DOCK4: variants seen among roughly 807,000 people sequenced by gnomAD.
The protein encoded by DOCK4 is dedicator of cytokinesis 4, also known as dedicator of cytokinesis protein 4.
DOCK4 carries 97 observed loss-of-function variants against 268.1 expected under a neutral mutation model. That is an observed-to-expected ratio of 0.36 (90% CI 0.31 to 0.43). The LOEUF (loss-of-function observed/expected upper bound fraction) is 0.43, where lower values mean the gene tolerates loss of function less well. Among genes scored for constraint, DOCK4 ranks in the 20% least tolerant of loss-of-function variants. DOCK4 has a pLI of 1.00. For synonymous variants in DOCK4, 954 were observed against 887.2 expected, an observed-to-expected ratio of 1.08 and a Z score of -1.34; for missense variants, 2,145 against 2,455.7, an observed-to-expected ratio of 0.87 and a Z score of 2.67.
intron 13 of DOCK4, among the ~76,000 whole-genome samples, chr7:111,915,330 C>T (rs911592914): frequency 6.6e-6 from 1 of 152,182 alleles, no homozygotes; most frequent in Admixed American, 6.5e-5. Flanking sequence ...ATAATATTTG[C>T]ATATGGCTGC....
intron 25 of DOCK4, among the ~76,000 whole-genome samples, chr7:111,837,737 C>A (rs1278748314): frequency 6.6e-6 from 1 of 151,902 alleles, no homozygotes; most frequent in African/African-American, 2.4e-5. Context: ...GAGTTAAATA[C>A]TTAAAAAAAA....
intron 1 of DOCK4, among the ~76,000 whole-genome samples, chr7:112,198,358 C>A (rs568389128): frequency 6.6e-6 from 1 of 152,158 alleles, no homozygotes; most frequent in East Asian, 1.9e-4. Context: ...TCCTAGCCTG[C>A]GGAACTGTGA....
At chr7:112,111,264 C>T (rs1259081531) in intron 1 of DOCK4, among the ~76,000 whole-genome samples, 3 of 152,218 alleles carry the variant, frequency 2.0e-5, no homozygotes, top group East Asian at 3.9e-4. Flanking sequence ...GCAGGGAAGC[C>T]TTGAGGTCTG....
intron 1 of DOCK4, among the ~76,000 whole-genome samples, chr7:112,052,560 C>T (rs1297278878): frequency 6.6e-6 from 1 of 152,030 alleles, no homozygotes; most frequent in Non-Finnish European, 1.5e-5. Flanking sequence ...ATCCCCAGGC[C>T]CATGTTGGGT....
chr7:111,913,014 A>G (rs948246649), intron 13 of DOCK4, among the ~76,000 whole-genome samples: 9 of 149,024 alleles, frequency 6.0e-5, no homozygotes, highest in African/African-American at 2.2e-4. Flanking sequence ...CCCAGGCTGG[A>G]GTGTAGTGAC....
intron 1 of DOCK4, among the ~76,000 whole-genome samples, chr7:112,084,973 T>C (rs1329521172): frequency 6.6e-6 from 1 of 152,104 alleles, no homozygotes; most frequent in Non-Finnish European, 1.5e-5. Context: ...CCAAGTTGTA[T>C]GGCTTGGAAG....
At chr7:112,119,555 G>A (rs6974624) in intron 1 of DOCK4, among the ~76,000 whole-genome samples, 49,284 of 151,936 alleles carry the variant, frequency 0.32, 8,003 homozygotes, top group East Asian at 0.36. Flanking sequence ...CAACATGTGT[G>A]CCAAATCCAA....
intron 1 of DOCK4, among the ~76,000 whole-genome samples, chr7:112,042,958 G>A (rs542719605): frequency 2.0e-5 from 3 of 152,212 alleles, no homozygotes; most frequent in South Asian, 2.1e-4. Context: ...GCACCGCCCC[G>A]CCCGCAAGTT....
At chr7:111,984,209 GA>G in intron 7 of DOCK4, 96 bp downstream of exon 7, 1 of 1,101,678 alleles carries the variant, frequency 9.1e-7, no homozygotes, top group Non-Finnish European at 1.3e-6. Flanking sequence ...ATTAATCCTG[GA>G]ACATCCTGTT....
chr7:112,115,970 T>G (rs1408898154), intron 1 of DOCK4, among the ~76,000 whole-genome samples: 1 of 152,246 alleles, frequency 6.6e-6, no homozygotes, highest in African/African-American at 2.4e-5. Context: ...TGAGCCACCA[T>G]GCTCGGCCTA....
intron 39 of DOCK4, among the ~76,000 whole-genome samples, chr7:111,762,794 G>T: frequency 1.6e-5 from 1 of 60,938 alleles, no homozygotes. Context: ...TTTGGAGACA[G>T]GGTCTCACTG....
At chr7:111,867,894 T>G in intron 22 of DOCK4, 90 bp downstream of exon 22, 1 of 1,240,768 alleles carries the variant, frequency 8.1e-7, no homozygotes, top group East Asian at 2.9e-5. Context: ...TGACTTCTGA[T>G]GGAGAAAACA....
chr7:112,117,470 A>G (rs561524789), intron 1 of DOCK4, among the ~76,000 whole-genome samples: 1 of 152,238 alleles, frequency 6.6e-6, no homozygotes, highest in East Asian at 1.9e-4. Context: ...TCCAGGGTTC[A>G]AGCGATTCTC....
chr7:112,203,828 CACA>C (rs1406583310), intron 1 of DOCK4, among the ~76,000 whole-genome samples: 1 of 258 alleles, frequency 3.9e-3, no homozygotes, highest in Non-Finnish European at 0.01. Flanking sequence ...AATTTCACTA[CACA>C]CACACACACA....
intron 20 of DOCK4, among the ~76,000 whole-genome samples, chr7:111,870,407 G>A (rs1192532952): frequency 2.1e-5 from 3 of 144,716 alleles, no homozygotes; most frequent in Admixed American, 7.2e-5. Context: ...AACCTCTGCC[G>A]CCCTCCTGGG....
chr7:112,173,416 T>C (rs1164293616), intron 1 of DOCK4, among the ~76,000 whole-genome samples: 5 of 152,186 alleles, frequency 3.3e-5, no homozygotes, highest in African/African-American at 1.2e-4. Flanking sequence ...AAAGACTTAG[T>C]GGCGAGGCAG....
intron 8 of DOCK4, among the ~76,000 whole-genome samples, chr7:111,957,347 G>A (rs990707414): frequency 6.6e-6 from 1 of 152,132 alleles, no homozygotes; most frequent in Admixed American, 6.6e-5. Context: ...CATACAAAAG[G>A]ATGATAAAGA....
chr7:111,956,298 T>C (rs992566349), intron 8 of DOCK4, among the ~76,000 whole-genome samples: 1 of 152,164 alleles, frequency 6.6e-6, no homozygotes, highest in Non-Finnish European at 1.5e-5. Flanking sequence ...GCATGCAGTT[T>C]CTTAAAAAGG....
Position 111,784,286 on chromosome 7 carries a change from AC to A in DOCK4, c.3402-164del, listed in dbSNP as rs145907322. The A allele has an allele frequency of 3.1e-5, 26 of 832,454 alleles. No homozygotes were observed. The East Asian group carries it at 6.9e-4, about 22-fold the overall frequency. 51.6% of individuals were successfully genotyped at this position (832,454 alleles called of 1,614,324 possible). A position where few individuals can be genotyped will look rare whatever the true frequency, so the allele number is the denominator to read the frequency against. On this transcript the variant is annotated intron_variant, in intron 32 of 52. Transcript: ENST00000428084. ...TTACACTAACAGAGGCTTGCGTCTT[AC>A]CACATCAAATAACACTGCAAAAAGC...
Sources: allele counts gnomAD v4.1 joint callset (sites outside exome capture counted in the v4.1 genomes callset), GRCh38; gene constraint gnomAD v4.1.1; transcripts MANE v1.5; gene names NCBI Gene and HGNC (gene_info 2026-07-23, HGNC 2026-07-21).